Variants in GOLM1 observed in about 807,000 individuals in gnomAD.
GOLM1 encodes the protein epididymis luminal protein 46.
A neutral mutation model predicts 50.5 loss-of-function variants in GOLM1; 31 were observed. The ratio of observed to expected loss-of-function variants is 0.61; its 90% CI spans 0.46 to 0.83. The LOEUF (loss-of-function observed/expected upper bound fraction) is 0.83. GOLM1 is among the 40% of genes least tolerant of loss of function. The probability of loss-of-function intolerance (pLI) is 0.00; values close to 1 mark genes in which losing one functional copy is unlikely to be tolerated. For synonymous variants in GOLM1, 178 were observed against 192.8 expected, an observed-to-expected ratio of 0.92 and a Z score of 0.64; for missense variants, 491 against 501.3, an observed-to-expected ratio of 0.98 and a Z score of 0.20.
intron 1 of GOLM1, among the ~76,000 whole-genome samples, chr9:86,090,722 C>T (rs1301467243): frequency 6.8e-6 from 1 of 146,480 alleles, no homozygotes; most frequent in Non-Finnish European, 1.5e-5. Flanking sequence ...TCCCTGGCTT[C>T]AGCCTCCTTT....
chr9:86,061,277 A>C (rs985921364), intron 3 of GOLM1, among the ~76,000 whole-genome samples: 2 of 152,198 alleles, frequency 1.3e-5, no homozygotes, highest in Non-Finnish European at 2.9e-5. Flanking sequence ...AGAGGAAAAG[A>C]AAGGTGAATT....
intron 3 of GOLM1, among the ~76,000 whole-genome samples, chr9:86,062,197 T>C (rs553122428): frequency 1.3e-5 from 2 of 151,928 alleles, no homozygotes; most frequent in Admixed American, 1.3e-4. Context: ...GCTGGGAGAG[T>C]GCAGGATGCT....
chr9:86,076,841 G>C (rs1307640666), intron 3 of GOLM1, among the ~76,000 whole-genome samples: 2 of 149,544 alleles, frequency 1.3e-5, no homozygotes, highest in Admixed American at 6.7e-5. Flanking sequence ...CTGGGCGACA[G>C]AGCCAAACTC....
At chr9:86,052,817 C>T (rs1833803797) in intron 3 of GOLM1, among the ~76,000 whole-genome samples, 2 of 151,210 alleles carry the variant, frequency 1.3e-5, no homozygotes, top group Non-Finnish European at 2.9e-5. Flanking sequence ...GAGCAAAAGC[C>T]AACGGGTCCA....
At chr9:86,052,459 C>T in intron 4 of GOLM1, 78 bp downstream of exon 4, 2 of 1,200,210 alleles carry the variant, frequency 1.7e-6, no homozygotes, top group South Asian at 2.4e-5. Context: ...GGAGACCCAC[C>T]TGGGCCTAGA....
intron 3 of GOLM1, among the ~76,000 whole-genome samples, chr9:86,054,198 C>T (rs1833915363): frequency 6.6e-6 from 1 of 151,898 alleles, no homozygotes; most frequent in Non-Finnish European, 1.5e-5. Flanking sequence ...AACAACTGGC[C>T]AGTATGCCCT....
intron 7 of GOLM1, among the ~76,000 whole-genome samples, chr9:86,035,865 CCAAAAAAAAAAACAAAA>C (rs1366567815): frequency 1.1e-4 from 9 of 82,880 alleles, no homozygotes; most frequent in Admixed American, 6.8e-4. Context: ...AAGTAGCTTA[CCAAAAAAAAAAACAAAA>C]CAAAAAAAAA....
chr9:86,037,896 T>TA (rs1833198084), intron 6 of GOLM1, among the ~76,000 whole-genome samples: 1 of 151,776 alleles, frequency 6.6e-6, no homozygotes, highest in Non-Finnish European at 1.5e-5. Context: ...GGCTAATGCC[T>TA]GTAATGCCAG....
At position 86,052,009 on chromosome 9, in the gene GOLM1, AC is replaced by A. The variant is rs1186205635; in HGVS notation, c.364+527del. Among the ~76,000 whole-genome samples the A allele has an allele frequency of 2.1e-4, 32 of 152,060 alleles. No individual in the cohort carries two copies. In the South Asian group the frequency reaches 6.5e-3, roughly 31 times the overall value. On this transcript the variant is annotated intron_variant, in intron 4 of 9. Coordinates refer to ENST00000388712, the MANE Select transcript of GOLM1 (RefSeq NM_016548.4). Reference sequence around the variant, plus strand: ...TAGCCCAGTAGCATGGACCCTGCTGACCCTCCTGTCACTCCTGTCACAGTGG... The same window carrying A: ...TAGCCCAGTAGCATGGACCCTGCTGACCTCCTGTCACTCCTGTCACAGTGG...
intron 9 of GOLM1, among the ~76,000 whole-genome samples, chr9:86,031,090 A>G (rs1421755872): frequency 6.6e-6 from 1 of 152,106 alleles, no homozygotes; most frequent in Non-Finnish European, 1.5e-5. Context: ...TGCGCCTCTA[A>G]TCTCAGCTGC....
chr9:86,034,597 A>AG (rs1833078069), intron 8 of GOLM1, among the ~76,000 whole-genome samples: 1 of 152,172 alleles, frequency 6.6e-6, no homozygotes, highest in Non-Finnish European at 1.5e-5. Context: ...ACTTAGGGGG[A>AG]GGCTGACAAA....
At chr9:86,075,474 C>T (rs1188305445) in intron 3 of GOLM1, among the ~76,000 whole-genome samples, 2 of 152,190 alleles carry the variant, frequency 1.3e-5, no homozygotes, top group Non-Finnish European at 2.9e-5. Context: ...CTCATTCAAT[C>T]CTCACAGGCA....
At chr9:86,082,269 G>A (rs566090541) in intron 1 of GOLM1, among the ~76,000 whole-genome samples, 25 of 151,342 alleles carry the variant, frequency 1.7e-4, no homozygotes, top group South Asian at 8.3e-4. Context: ...CTTGTGATCC[G>A]CCCGCCTCGG....
At chr9:86,058,868 G>T (rs1012263984) in intron 3 of GOLM1, among the ~76,000 whole-genome samples, 2 of 152,052 alleles carry the variant, frequency 1.3e-5, no homozygotes, top group African/African-American at 4.8e-5. Flanking sequence ...GTGGTGGCAG[G>T]TGCCTGTAAT....
chr9:86,095,805 T>TTCAGTGCTCC (rs1357711602), intron 1 of GOLM1, among the ~76,000 whole-genome samples: 1 of 152,176 alleles, frequency 6.6e-6, no homozygotes, highest in East Asian at 1.9e-4. Context: ...TGACTCCTGG[T>TTCAGTGCTCC]TCAGTGCTCC....
intron 3 of GOLM1, among the ~76,000 whole-genome samples, chr9:86,067,757 C>T (rs989326517): frequency 6.6e-6 from 1 of 152,190 alleles, no homozygotes; most frequent in African/African-American, 2.4e-5. Context: ...AATCCCAGCA[C>T]TTTGGGAGGC....
At chr9:86,029,581 T>G (rs1832905724) in intron 9 of GOLM1, among the ~76,000 whole-genome samples, 1 of 152,216 alleles carries the variant, frequency 6.6e-6, no homozygotes. Context: ...AATGGTAGTT[T>G]AATGACCATT....
intron 8 of GOLM1, among the ~76,000 whole-genome samples, chr9:86,034,023 G>A (rs1265686321): frequency 1.3e-5 from 2 of 150,304 alleles, no homozygotes; most frequent in East Asian, 3.9e-4. Flanking sequence ...GGAGTGCGGT[G>A]GCGTAATCTC....
intron 1 of GOLM1, among the ~76,000 whole-genome samples, chr9:86,088,457 T>TATATATATATATATATATATATATA (rs1835058531): frequency 1.5e-5 from 2 of 134,910 alleles, no homozygotes; most frequent in African/African-American, 2.7e-5. Flanking sequence ...TATATATATA[T>TATATATATATATATATATATATATA]TTAGGATAGA....
Sources: allele counts gnomAD v4.1 joint callset (sites outside exome capture counted in the v4.1 genomes callset), GRCh38; gene constraint gnomAD v4.1.1; transcripts MANE v1.5; gene names NCBI Gene and HGNC (gene_info 2026-07-23, HGNC 2026-07-21).